Variants in SLC25A26 observed in about 807,000 individuals in gnomAD.
The protein encoded by SLC25A26 is mitochondrial S-adenosylmethionine carrier protein.
A neutral mutation model predicts 37.8 loss-of-function variants in SLC25A26; 36 were observed. That is an observed-to-expected ratio of 0.95 (90% CI 0.73 to 1.26). SLC25A26 has a LOEUF of 1.26. SLC25A26 is among the 50% of genes most tolerant of loss of function. The pLI is 0.00. For missense variants in SLC25A26, 390 were observed against 331.1 expected, an observed-to-expected ratio of 1.18 and a Z score of -1.38; for synonymous variants, 129 against 122.5, an observed-to-expected ratio of 1.05 and a Z score of -0.35.
intron 3 of SLC25A26, among the ~76,000 whole-genome samples, chr3:66,248,466 C>T (rs571882093): frequency 2.0e-5 from 3 of 152,268 alleles, no homozygotes; most frequent in East Asian, 1.9e-4. Context: ...TTTACTTTAA[C>T]GGTACATATG....
At chr3:66,334,317 T>C (rs533322388) in intron 5 of SLC25A26, among the ~76,000 whole-genome samples, 143 of 152,202 alleles carry the variant, frequency 9.4e-4, no homozygotes, top group African/African-American at 3.2e-3. Flanking sequence ...TTTGTTTCTT[T>C]GTTTTGTTTT....
Position 66,262,060 on chromosome 3 carries a change from C to T in SLC25A26, c.310C>T (p.Leu104=), listed in dbSNP as rs1255364402. Residue 104 remains leucine, a synonymous_variant, in exon 4 of 10, where the codon CTG becomes TTG. Transcript: ENST00000354883. The part of the protein sequence containing the change: ...AASAGEVVAC[L]IRVPSEVVKQ... ...CAAATTTGTCTTTTAGGTTGCCTGCCTGATTCGAGTTCCATCTGAAGTGGT... is the reference window on the plus strand; with the variant it reads ...CAAATTTGTCTTTTAGGTTGCCTGCTTGATTCGAGTTCCATCTGAAGTGGT... 28 of 1,572,936 alleles carry T rather than the reference C, an allele frequency of 1.8e-5. No individual in the cohort carries two copies. Among genetic ancestry groups the T allele is most frequent in the Non-Finnish European group, 2.3e-5 (27 of 1,158,346 alleles).
At chr3:66,367,009 A>C (rs1033772091) in intron 7 of SLC25A26, among the ~76,000 whole-genome samples, 1 of 152,144 alleles carries the variant, frequency 6.6e-6, no homozygotes, top group African/African-American at 2.4e-5. Flanking sequence ...TCCTACCTTT[A>C]CCTTTCCCTG....
At chr3:66,372,885 G>GT (rs1559750706) in intron 9 of SLC25A26, among the ~76,000 whole-genome samples, 1 of 151,994 alleles carries the variant, frequency 6.6e-6, no homozygotes, top group Non-Finnish European at 1.5e-5. Context: ...AGTTTACTAG[G>GT]TACTACTTGG....
At chr3:66,278,816 A>G (rs566542022) in intron 5 of SLC25A26, among the ~76,000 whole-genome samples, 1 of 152,272 alleles carries the variant, frequency 6.6e-6, no homozygotes, top group Non-Finnish European at 1.5e-5. Context: ...ACTTCTCTCA[A>G]CTATACTTTC....
chr3:66,177,185 G>A (rs2070602300), intron 1 of SLC25A26, among the ~76,000 whole-genome samples: 1 of 152,208 alleles, frequency 6.6e-6, no homozygotes, highest in African/African-American at 2.4e-5. Context: ...TGGGTTCACT[G>A]AGAACTGCAA....
intron 1 of SLC25A26, among the ~76,000 whole-genome samples, chr3:66,195,491 G>A (rs1169448330): frequency 6.6e-6 from 1 of 152,234 alleles, no homozygotes; most frequent in African/African-American, 2.4e-5. Context: ...TAGGAAGAAC[G>A]ACACAGGAGG....
chr3:66,209,059 TATATATAC>T (rs2071230146), intron 1 of SLC25A26, among the ~76,000 whole-genome samples: 1 of 24,428 alleles, frequency 4.1e-5, no homozygotes, highest in African/African-American at 2.1e-4. Flanking sequence ...TATATATATA[TATATATAC>T]ACACACACAC....
Position 66,346,715 on chromosome 3 carries a change from CGTGTGTGTGTGTGTGTGT to C in SLC25A26, c.498+336_498+353del, listed in dbSNP as rs34944870. Among the ~76,000 whole-genome samples, 1,021 of 138,972 alleles carry C rather than the reference CGTGTGTGTGTGTGTGTGT, an allele frequency of 7.3e-3. 8 individuals carry two copies. The highest frequency in any genetic ancestry group is 0.024 in the African/African-American group (919 of 38,366). The allele number at this position is 138,972 out of a possible 152,430, so 91.2% of individuals were successfully genotyped here. ...CCGTTAAATTTCATTTTGCTGTGTG[CGTGTGTGTGTGTGTGTGT>C]GTGTGTGTGTGTGTGTGTGTGTGTG... On this transcript the variant is annotated intron_variant, in intron 6 of 9. Transcript: ENST00000354883.
chr3:66,209,898 T>TATTTATATATA (rs2071256377), intron 1 of SLC25A26, among the ~76,000 whole-genome samples: 1 of 38,608 alleles, frequency 2.6e-5, no homozygotes, highest in African/African-American at 8.8e-5. Context: ...CTCTCTCTAT[T>TATTTATATATA]TATATATATA....
At chr3:66,254,537 C>T (rs1268736846) in intron 3 of SLC25A26, among the ~76,000 whole-genome samples, 1 of 152,208 alleles carries the variant, frequency 6.6e-6, no homozygotes, top group Non-Finnish European at 1.5e-5. Flanking sequence ...TGTTAAATTT[C>T]TGTTGAATTG....
At chr3:66,375,938 C>G (rs988209452) in intron 9 of SLC25A26, among the ~76,000 whole-genome samples, 28 of 151,540 alleles carry the variant, frequency 1.8e-4, no homozygotes, top group African/African-American at 6.6e-4. Flanking sequence ...AGTCACCATT[C>G]TAGATACCAG....
intron 5 of SLC25A26, among the ~76,000 whole-genome samples, chr3:66,316,217 CTG>C (rs1313503034): frequency 6.6e-6 from 1 of 152,148 alleles, no homozygotes; most frequent in Non-Finnish European, 1.5e-5. Flanking sequence ...TGTCACTGGC[CTG>C]TGTACTTCCA....
chr3:66,223,833 C>A (rs1000926798), intron 1 of SLC25A26, among the ~76,000 whole-genome samples: 1 of 152,120 alleles, frequency 6.6e-6, no homozygotes, highest in Non-Finnish European at 1.5e-5. Flanking sequence ...TATCCAGAAA[C>A]AAAATCCTCA....
At chr3:66,205,858 GAGA>G (rs2071169830) in intron 1 of SLC25A26, among the ~76,000 whole-genome samples, 1 of 152,070 alleles carries the variant, frequency 6.6e-6, no homozygotes, top group Non-Finnish European at 1.5e-5. Flanking sequence ...TGGACCCTGA[GAGA>G]AGGACTTGGG....
At chr3:66,368,306 T>C (rs192776926) in intron 7 of SLC25A26, among the ~76,000 whole-genome samples, 1 of 152,328 alleles carries the variant, frequency 6.6e-6, no homozygotes, top group Admixed American at 6.5e-5. Flanking sequence ...TCTGTCTCTG[T>C]AGGGCCTCTT....
rs1335212412 is a variant in SLC25A26 at position 66,369,238 on chromosome 3, AT to A, written c.569-238del. 8.5e-5 allele frequency among the ~76,000 whole-genome samples: 13 copies of A among 152,150 alleles called. No homozygotes were observed. In the East Asian group the frequency reaches 2.5e-3, roughly 29 times the overall value. Reference sequence around the variant, plus strand: ...GCTAGTTAATGAAAGAGCAAGATAAATTGTGGAGCCTTGTATTTTTCACCTG... The same window carrying A: ...GCTAGTTAATGAAAGAGCAAGATAAATGTGGAGCCTTGTATTTTTCACCTG... On this transcript the variant is annotated intron_variant, in intron 7 of 9. Transcript: ENST00000354883.
intron 5 of SLC25A26, among the ~76,000 whole-genome samples, chr3:66,328,995 T>G (rs2075906693): frequency 6.6e-6 from 1 of 152,190 alleles, no homozygotes; most frequent in African/African-American, 2.4e-5. Context: ...GAATTAGTTA[T>G]GTATTATGAC....
chr3:66,311,255 A>T (rs2075368398), intron 5 of SLC25A26, among the ~76,000 whole-genome samples: 1 of 151,834 alleles, frequency 6.6e-6, no homozygotes, highest in Non-Finnish European at 1.5e-5. Flanking sequence ...TCAGTCTCTG[A>T]TAGCCTTTCT....
Sources: gnomAD v4.1 joint callset for allele counts (sites outside exome capture counted in the v4.1 genomes callset) on GRCh38, gnomAD v4.1.1 for gene constraint, MANE v1.5 for transcripts, NCBI Gene and HGNC (gene_info 2026-07-23, HGNC 2026-07-21) for gene names.